The following NELL2 variants were observed in gnomAD, a reference collection of about 807,000 sequenced individuals.
NELL2 encodes the protein neural EGFL like 2, also known as protein kinase C-binding protein NELL2.
NELL2 carries 41 observed loss-of-function variants against 109.6 expected under a neutral mutation model. The ratio of observed to expected loss-of-function variants is 0.37; its 90% confidence interval spans 0.29 to 0.49. NELL2 has a LOEUF of 0.49. Ranked by LOEUF, NELL2 falls within the 20% of genes least tolerant of loss-of-function variation. The pLI, the probability that NELL2 is intolerant of heterozygous loss-of-function variation, is 0.98. For synonymous variants in NELL2, 355 were observed against 344.7 expected, an observed-to-expected ratio of 1.03 and a Z score of -0.33; for missense variants, 900 against 1,008.3, an observed-to-expected ratio of 0.89 and a Z score of 1.45.
intron 16 of NELL2, among the ~76,000 whole-genome samples, chr12:44,531,854 G>A (rs1942076216): frequency 6.6e-6 from 1 of 152,152 alleles, no homozygotes; most frequent in African/African-American, 2.4e-5. Flanking sequence ...GACTTCTGAT[G>A]GCAAATTCTT....
At chr12:44,833,285 C>T (rs1943942346) in intron 2 of NELL2, among the ~76,000 whole-genome samples, 2 of 152,148 alleles carry the variant, frequency 1.3e-5, no homozygotes, top group African/African-American at 4.8e-5. Context: ...CAAAATCATA[C>T]AGGAATTATA....
chr12:44,791,246 C>G (rs1278324532), intron 3 of NELL2, among the ~76,000 whole-genome samples: 1 of 99,182 alleles, frequency 1.0e-5, no homozygotes, highest in South Asian at 3.7e-4. Flanking sequence ...ACTACTCAGC[C>G]ATAAAAAGGA....
chr12:44,794,054 C>G (rs773715926), intron 3 of NELL2, among the ~76,000 whole-genome samples: 2 of 152,192 alleles, frequency 1.3e-5, no homozygotes, highest in Non-Finnish European at 2.9e-5. Flanking sequence ...CTGGCTCCCC[C>G]CGTTGTCCCC....
At position 44,520,014 on chromosome 12, in the gene NELL2, G is replaced by A. The variant is rs1211615518; in HGVS notation, c.2391C>T (p.Cys797=). 1.2e-6 allele frequency: 2 copies of A among 1,613,882 alleles called. No homozygotes were observed. Among genetic ancestry groups the A allele is most frequent in the East Asian group, 2.2e-5 (1 of 44,876 alleles). The change falls in exon 19 of 20, where the codon TGC becomes TGT. Residue 797 remains cysteine, a synonymous_variant. Transcript: ENST00000429094. ...ATTTAATGGAGTTTACCTTGCACTG[G>A]CAGAGAGTACACTCAGTGCCATGTT... is the stretch of plus-strand genomic sequence containing the variant. ...WIKHGTECTL[C]QCKNGHICCS...
At chr12:44,807,665 A>T (rs1286475498) in intron 3 of NELL2, among the ~76,000 whole-genome samples, 1 of 152,064 alleles carries the variant, frequency 6.6e-6, no homozygotes, top group Non-Finnish European at 1.5e-5. Flanking sequence ...ATCATTAGAA[A>T]TATTTTTTAA....
chr12:44,852,940 A>AT, intron 2 of NELL2, among the ~76,000 whole-genome samples: 1 of 152,260 alleles, frequency 6.6e-6, no homozygotes, highest in East Asian at 1.9e-4. Flanking sequence ...GGATAATGAA[A>AT]TTTTTGTAGC....
intron 2 of NELL2, among the ~76,000 whole-genome samples, chr12:44,847,055 GCCTGATA>G (rs1261198791): frequency 6.6e-6 from 1 of 152,174 alleles, no homozygotes; most frequent in African/African-American, 2.4e-5. Flanking sequence ...ACTATGCAAT[GCCTGATA>G]CCAGAACTCA....
At chr12:44,786,241 G>T (rs7484938) in intron 3 of NELL2, among the ~76,000 whole-genome samples, 35,944 of 151,932 alleles carry the variant, frequency 0.24, 4,521 homozygotes, top group South Asian at 0.3. Context: ...CTTTTCAAAA[G>T]AAGACATTTA....
At chr12:44,789,530 G>A (rs993405015) in intron 3 of NELL2, among the ~76,000 whole-genome samples, 5 of 152,112 alleles carry the variant, frequency 3.3e-5, no homozygotes, top group Admixed American at 2.0e-4. Context: ...GAAGGCACCA[G>A]AAAACCAGCT....
At chr12:44,814,528 A>G (rs1943275578) in intron 3 of NELL2, among the ~76,000 whole-genome samples, 1 of 152,046 alleles carries the variant, frequency 6.6e-6, no homozygotes, top group Non-Finnish European at 1.5e-5. Context: ...CCAAAAACAG[A>G]CTGAAGGGAA....
At chr12:44,632,275 A>G (rs1025589299) in intron 13 of NELL2, among the ~76,000 whole-genome samples, 1 of 152,154 alleles carries the variant, frequency 6.6e-6, no homozygotes, top group African/African-American at 2.4e-5. Context: ...CAGGTGTCTA[A>G]TCTCACTTCT....
intron 16 of NELL2, among the ~76,000 whole-genome samples, chr12:44,525,594 C>A (rs1392394451): frequency 6.6e-6 from 1 of 152,086 alleles, no homozygotes; most frequent in African/African-American, 2.4e-5. Context: ...AACAAGATTC[C>A]CAAATTAAAT....
chr12:44,728,252 A>T (rs1255645382), intron 9 of NELL2, among the ~76,000 whole-genome samples: 2 of 152,214 alleles, frequency 1.3e-5, no homozygotes, highest in East Asian at 1.9e-4. Context: ...TAATTTTTTT[A>T]AATGACCAAA....
intron 2 of NELL2, among the ~76,000 whole-genome samples, chr12:44,847,637 A>T (rs1944410273): frequency 6.7e-6 from 1 of 150,116 alleles, no homozygotes; most frequent in Non-Finnish European, 1.5e-5. Flanking sequence ...GCGAGAAGTT[A>T]AAAAAAAAAT....
intron 2 of NELL2, among the ~76,000 whole-genome samples, chr12:44,844,039 A>G (rs1272631379): frequency 6.6e-6 from 1 of 152,148 alleles, no homozygotes; most frequent in African/African-American, 2.4e-5. Context: ...CAAAAAACAA[A>G]GACAGCACCT....
chr12:44,753,707 T>C (rs959589031), intron 9 of NELL2, among the ~76,000 whole-genome samples: 6 of 152,180 alleles, frequency 3.9e-5, no homozygotes, highest in African/African-American at 1.4e-4. Context: ...TCTGTATATA[T>C]AAAATGATTG....
chr12:44,682,812 G>A (rs538409233), intron 12 of NELL2, among the ~76,000 whole-genome samples: 1 of 152,156 alleles, frequency 6.6e-6, no homozygotes, highest in Non-Finnish European at 1.5e-5. Flanking sequence ...TGCTGTTTTG[G>A]TTACTGCAGC....
chr12:44,785,431 T>C (rs964728996), intron 3 of NELL2, among the ~76,000 whole-genome samples: 1 of 152,094 alleles, frequency 6.6e-6, no homozygotes, highest in African/African-American at 2.4e-5. Flanking sequence ...AGAATCAATA[T>C]CATGAAAATG....
intron 19 of NELL2, among the ~76,000 whole-genome samples, chr12:44,519,654 A>G (rs528316085): frequency 6.6e-6 from 1 of 152,332 alleles, no homozygotes; most frequent in African/African-American, 2.4e-5. Context: ...CAATAAAACA[A>G]TATTGTCTCC....
Sources: allele counts gnomAD v4.1 joint callset (sites outside exome capture counted in the v4.1 genomes callset), GRCh38; gene constraint gnomAD v4.1.1; transcripts MANE v1.5; gene names NCBI Gene and HGNC (gene_info 2026-07-23, HGNC 2026-07-21).